RFX4: variants seen among roughly 807,000 people sequenced by gnomAD.
RFX4 encodes the protein transcription factor RFX4.
A neutral mutation model predicts 95.0 loss-of-function variants in RFX4; 10 were observed. The observed-to-expected ratio is 0.11, with a 90% CI of 0.06 to 0.18. RFX4 has a LOEUF of 0.18. RFX4 is among the 10% of genes least tolerant of loss of function. The pLI, the probability that RFX4 is intolerant of heterozygous loss-of-function variation, is 1.00. For missense variants in RFX4, 640 were observed against 922.0 expected, an observed-to-expected ratio of 0.69 and a Z score of 3.96; for synonymous variants, 321 against 340.7, an observed-to-expected ratio of 0.94 and a Z score of 0.64.
chr12:106,629,791 A>G (rs570422631), intron 2 of RFX4, among the ~76,000 whole-genome samples: 102 of 152,048 alleles, frequency 6.7e-4, no homozygotes, highest in Non-Finnish European at 1.3e-3. Context: ...TAATTTTTTA[A>G]ATTTTTTGTA....
At chr12:106,633,880 T>G (rs942833782) in intron 2 of RFX4, among the ~76,000 whole-genome samples, 1 of 152,232 alleles carries the variant, frequency 6.6e-6, no homozygotes, top group Non-Finnish European at 1.5e-5. Context: ...CAGGTCCCAG[T>G]TCCTTGCCTT....
chr12:106,695,261 A>G (rs1372786557), intron 7 of RFX4, among the ~76,000 whole-genome samples: 2 of 152,170 alleles, frequency 1.3e-5, no homozygotes, highest in Non-Finnish European at 2.9e-5. Flanking sequence ...TGTGTTCCCC[A>G]GCTTCGAGAT....
chr12:106,598,277 G>A (rs1470673100), intron 1 of RFX4, among the ~76,000 whole-genome samples: 1 of 151,806 alleles, frequency 6.6e-6, no homozygotes, highest in Non-Finnish European at 1.5e-5. Context: ...GAAACATTAT[G>A]GAAAATGGAA....
At chr12:106,607,052 G>A (rs970464342) in intron 1 of RFX4, among the ~76,000 whole-genome samples, 3 of 152,162 alleles carry the variant, frequency 2.0e-5, no homozygotes, top group Non-Finnish European at 2.9e-5. Flanking sequence ...AATAACTTAT[G>A]CAGAGGGCCT....
At chr12:106,605,790 G>A (rs12311354) in intron 1 of RFX4, among the ~76,000 whole-genome samples, 3,936 of 152,308 alleles carry the variant, frequency 0.026, 82 homozygotes, top group African/African-American at 0.056. Flanking sequence ...TCTGCAATGT[G>A]CCAGTGAGAC....
chr12:106,700,795 C>T (rs1483103971), intron 8 of RFX4, among the ~76,000 whole-genome samples: 1 of 152,170 alleles, frequency 6.6e-6, no homozygotes, highest in Non-Finnish European at 1.5e-5. Context: ...AGTATACTCC[C>T]TATTTGTCCT....
chr12:106,697,450 T>TTC, intron 8 of RFX4, among the ~76,000 whole-genome samples: 1 of 151,960 alleles, frequency 6.6e-6, no homozygotes, highest in South Asian at 2.1e-4. Flanking sequence ...TTTACCTTTT[T>TTC]TTTTTTTTTA....
rs1565979191 is a variant in RFX4 at position 106,686,345 on chromosome 12, G to A, written c.378-539G>A. Among the ~76,000 whole-genome samples the A allele has an allele frequency of 1.3e-5, 2 of 151,712 alleles. 1 individual carries two copies. Among genetic ancestry groups the A allele is most frequent in the Non-Finnish European group, 2.9e-5 (2 of 67,910 alleles). On this transcript the variant is annotated intron_variant, in intron 5 of 17. Transcript: ENST00000392842. ...AGAATCGCTTGAACCCGGGAGGCGT[G>A]GAGGTTCAGTAAGCTGAGATTGCAC...
At position 106,644,910 on chromosome 12, in the gene RFX4, C is replaced by T. The variant is rs2040712458; in HGVS notation, c.191+5518C>T. Among the ~76,000 whole-genome samples, 3 of 152,306 alleles carry T rather than the reference C, an allele frequency of 2.0e-5. No individual in the cohort carries two copies. The South Asian group carries it at 6.2e-4, about 32-fold the overall frequency. On this transcript the variant is annotated intron_variant, in intron 3 of 17. Coordinates refer to ENST00000392842, the MANE Select transcript of RFX4 (RefSeq NM_213594.3). The stretch of plus-strand genomic sequence containing the variant: ...GGGCAGGCCCAGGAAAGGACACTGG[C>T]CGCACCACTAAGGCGCCCGCCACCC...
intron 1 of RFX4, among the ~76,000 whole-genome samples, chr12:106,587,974 T>C (rs1229385991): frequency 6.6e-6 from 1 of 152,180 alleles, no homozygotes; most frequent in African/African-American, 2.4e-5. Flanking sequence ...GTTAATCTTC[T>C]AGGCTTTCCA....
At chr12:106,747,114 G>A (rs2042911095) in intron 15 of RFX4, among the ~76,000 whole-genome samples, 1 of 152,228 alleles carries the variant, frequency 6.6e-6, no homozygotes, top group Admixed American at 6.5e-5. Flanking sequence ...ATCTGGCCTA[G>A]TCTGGGGTTA....
At chr12:106,639,165 G>T (rs1452936130) in intron 2 of RFX4, among the ~76,000 whole-genome samples, 167 bp from the exon 3 acceptor site, 1 of 152,176 alleles carries the variant, frequency 6.6e-6, no homozygotes, top group East Asian at 1.9e-4. Context: ...CCCCTTTTTA[G>T]TATTAAAGTA....
chr12:106,637,045 AGT>A (rs2040529046), intron 2 of RFX4, among the ~76,000 whole-genome samples: 1 of 152,118 alleles, frequency 6.6e-6, no homozygotes, highest in Non-Finnish European at 1.5e-5. Context: ...CCCGAGAGAG[AGT>A]GTCTCCTGAA....
chr12:106,599,471 GTGATGA>G (rs3067521), intron 1 of RFX4, among the ~76,000 whole-genome samples: 2,259 of 150,678 alleles, frequency 0.015, 60 homozygotes, highest in African/African-American at 0.05. Context: ...AGTCATCGCT[GTGATGA>G]TGATGATGAT....
intron 2 of RFX4, among the ~76,000 whole-genome samples, chr12:106,617,138 G>C (rs577253943): frequency 3.9e-5 from 6 of 151,972 alleles, no homozygotes; most frequent in Non-Finnish European, 8.8e-5. Context: ...TGTTTTCTCT[G>C]TTTTTCTTCA....
chr12:106,639,751 A>G (rs970278307), intron 3 of RFX4, among the ~76,000 whole-genome samples: 3 of 152,228 alleles, frequency 2.0e-5, no homozygotes, highest in Admixed American at 6.5e-5. Context: ...ATAATGAATT[A>G]CAATTGTATA....
intron 2 of RFX4, among the ~76,000 whole-genome samples, chr12:106,621,805 T>A (rs765619225): frequency 6.7e-6 from 1 of 148,890 alleles, no homozygotes; most frequent in Non-Finnish European, 1.5e-5. Context: ...GAAAGATCTT[T>A]CGGGAAAGAT....
intron 13 of RFX4, among the ~76,000 whole-genome samples, chr12:106,726,359 T>C (rs2042497619): frequency 6.6e-6 from 1 of 152,152 alleles, no homozygotes; most frequent in East Asian, 1.9e-4. Context: ...CTCATTGTCC[T>C]CAGTGCTGCT....
At chr12:106,632,009 T>G (rs2040425341) in intron 2 of RFX4, among the ~76,000 whole-genome samples, 2 of 152,230 alleles carry the variant, frequency 1.3e-5, no homozygotes, top group African/African-American at 4.8e-5. Flanking sequence ...CTGTATGTGC[T>G]TGGTACTATT....
Sources: gnomAD v4.1 joint callset for allele counts (sites outside exome capture counted in the v4.1 genomes callset) on GRCh38, gnomAD v4.1.1 for gene constraint, MANE v1.5 for transcripts, NCBI Gene and HGNC (gene_info 2026-07-23, HGNC 2026-07-21) for gene names.